The following KANK1 variants were observed in gnomAD, a reference collection of about 807,000 sequenced individuals.
KANK1 encodes KN motif and ankyrin repeat domain-containing protein 1.
In KANK1, 109 loss-of-function variants were observed where a neutral mutation model predicts 106.2. That is an observed-to-expected ratio of 1.03 (90% CI 0.88 to 1.20). The LOEUF is 1.20. Among genes scored for constraint, KANK1 ranks in the 50% most tolerant of loss-of-function variants. The pLI is 0.00. For missense variants in KANK1, 2,399 were observed against 1,710.7 expected (o/e 1.40, Z -7.10); for synonymous variants, 873 against 652.2 (o/e 1.34, Z -5.16).
At chr9:580,028 C>T (rs574807424) in intron 1 of KANK1, among the ~76,000 whole-genome samples, 15 of 152,270 alleles carry the variant, frequency 9.9e-5, no homozygotes, top group Admixed American at 5.2e-4. Context: ...CAGACCCTTG[C>T]GGTGAGTGTT....
At chr9:736,813 C>T (rs562167640) in intron 7 of KANK1, among the ~76,000 whole-genome samples, 2 of 152,292 alleles carry the variant, frequency 1.3e-5, no homozygotes, top group South Asian at 2.1e-4. Flanking sequence ...ACCATAAAAT[C>T]TCACTGCAGG....
Position 686,840 on chromosome 9 carries a change from A to G in KANK1, c.37+9831A>G, listed in dbSNP as rs191879724. 6.1e-6 allele frequency: 6 copies of G among 985,340 alleles called. No homozygotes were observed. The Admixed American group carries it at 3.1e-4, about 50-fold the overall frequency. 61.0% of individuals were successfully genotyped at this position (985,340 alleles called of 1,614,324 possible). On this transcript the variant is annotated intron_variant, in intron 2 of 11. Coordinates refer to ENST00000382297, the MANE Select transcript of KANK1 (RefSeq NM_015158.5). ...CATGCTAGGATGTTACTTGGGTGCT[A>G]GAAAACAGCAGCTGGAATTCACAAC...
chr9:706,534 C>CTT lies in KANK1; in HGVS notation c.38-4264_38-4263dup, dbSNP rs148491776. Among the ~76,000 whole-genome samples, 575 of 147,476 alleles carry CTT rather than the reference C, an allele frequency of 3.9e-3. 5 individuals are homozygous for CTT. Among genetic ancestry groups the CTT allele is most frequent in the African/African-American group, 0.014 (557 of 39,868 alleles). The stretch of plus-strand genomic sequence containing the variant: ...CACTTGATGGTAGGATCTGAGTGCC[C>CTT]TTTTTTTACGTTCTTTAAATTATCT... On this transcript the variant is annotated intron_variant, in intron 2 of 11. Coordinates refer to ENST00000382297, the MANE Select transcript of KANK1 (RefSeq NM_015158.5).
intron 1 of KANK1, among the ~76,000 whole-genome samples, chr9:552,760 T>G (rs1408390653): frequency 6.6e-6 from 1 of 152,236 alleles, no homozygotes; most frequent in East Asian, 1.9e-4. Context: ...ATGTTTTCTC[T>G]TGATCAGGGT....
rs565136706 is a variant in KANK1 at position 600,511 on chromosome 9, A to T, written c.-83-76379A>T. On this transcript the variant is annotated intron_variant, in intron 1 of 11. Transcript: ENST00000382297. ...GTAACATACGTAATAATCTAAATAG[A>T]ATATAAATAAATAAAATGAAGTCCT... 3.1e-4 allele frequency among the ~76,000 whole-genome samples: 47 copies of T among 152,042 alleles called. 1 individual carries two copies. Among genetic ancestry groups the T allele is most frequent in the African/African-American group, 1.1e-3 (46 of 41,292 alleles).
chr9:599,686 T>C (rs1214567006), intron 1 of KANK1, among the ~76,000 whole-genome samples: 3 of 151,854 alleles, frequency 2.0e-5, no homozygotes, highest in Non-Finnish European at 4.4e-5. Context: ...TTTATGCAGA[T>C]ATTTTCAACC....
At chr9:476,273 C>T (rs1160780110) in intron 3 of KANK1, among the ~76,000 whole-genome samples, 4 of 152,100 alleles carry the variant, frequency 2.6e-5, no homozygotes, top group Non-Finnish European at 5.9e-5. Flanking sequence ...GTAATCCCAG[C>T]ACTTTGGGAG....
In KANK1 at chr9:522,793, CCTGACCACCAGCCT is replaced by C. The variant is rs1347334254; in HGVS notation, c.-84+18046_-84+18059del. 2.0e-5 allele frequency among the ~76,000 whole-genome samples: 3 copies of C among 151,802 alleles called. No individual in the cohort carries two copies. In the East Asian group the frequency reaches 5.8e-4, roughly 29 times the overall value. Reference sequence around the variant, plus strand: ...AGCAATGTGTGCCTGCCTGTGCTCTCCTGACCACCAGCCTCTGACCTACCCTGGTTTTCACTTCA... The same window carrying C: ...AGCAATGTGTGCCTGCCTGTGCTCTCCTGACCTACCCTGGTTTTCACTTCA... On this transcript the variant is annotated intron_variant, in intron 1 of 11. Transcript: ENST00000382297.
At chr9:667,435 C>G (rs1055343205) in intron 1 of KANK1, among the ~76,000 whole-genome samples, 1 of 151,280 alleles carries the variant, frequency 6.6e-6, no homozygotes, top group Non-Finnish European at 1.5e-5. Context: ...TTATTATTTC[C>G]TTTCTCCTAG....
chr9:599,177 C>G (rs565790232), intron 1 of KANK1, among the ~76,000 whole-genome samples: 8 of 151,188 alleles, frequency 5.3e-5, no homozygotes, highest in African/African-American at 1.5e-4. Context: ...CACCACCATG[C>G]TTGACTAATT....
intron 3 of KANK1, among the ~76,000 whole-genome samples, chr9:483,272 T>G (rs2058238015): frequency 6.6e-6 from 1 of 151,762 alleles, no homozygotes; most frequent in South Asian, 2.1e-4. Context: ...TAGAGGGGAG[T>G]ATGGTAATGC....
chr9:590,329 A>C (rs1824537960), intron 1 of KANK1, among the ~76,000 whole-genome samples: 1 of 149,746 alleles, frequency 6.7e-6, no homozygotes, highest in Non-Finnish European at 1.5e-5. Flanking sequence ...TGAAATGAGG[A>C]GTTGGACTAG....
intron 1 of KANK1, among the ~76,000 whole-genome samples, chr9:532,656 G>C (rs901143765): frequency 6.6e-6 from 1 of 152,096 alleles, no homozygotes. Context: ...TCTTCACCAA[G>C]CTACTTGGCG....
intron 1 of KANK1, among the ~76,000 whole-genome samples, chr9:579,090 G>A (rs1179405274): frequency 6.6e-6 from 1 of 152,190 alleles, no homozygotes; most frequent in Admixed American, 6.5e-5. Context: ...ATCGGGTTCA[G>A]TGAGGCACAG....
intron 9 of KANK1, among the ~76,000 whole-genome samples, 172 bp downstream of exon 9, chr9:741,106 CCAGGGAAATATGGGCTTAA>C (rs1835366878): frequency 6.6e-6 from 1 of 152,210 alleles, no homozygotes; most frequent in Non-Finnish European, 1.5e-5. Flanking sequence ...ACCAAACATA[CCAGGGAAATATGGGCTTAA>C]ATTTCACACT....
intron 1 of KANK1, among the ~76,000 whole-genome samples, chr9:666,274 G>T (rs1844550773): frequency 1.3e-5 from 2 of 151,744 alleles, no homozygotes; most frequent in Admixed American, 6.6e-5. Context: ...GTTCACTATT[G>T]GTATATATAA....
chr9:615,405 C>T (rs1831566499), intron 1 of KANK1, among the ~76,000 whole-genome samples: 2 of 152,020 alleles, frequency 1.3e-5, no homozygotes. Flanking sequence ...TTTCTTTCTA[C>T]AGAAGTATCA....
rs143634674 is a variant in KANK1, at chr9:616,682, A to G, written c.-83-60208A>G. On this transcript the variant is annotated intron_variant, in intron 1 of 11. Coordinates refer to ENST00000382297, the MANE Select transcript of KANK1 (RefSeq NM_015158.5). ...AGACCCCAAATCTCAGTGGCTTTCA[A>G]CAACACACACTGATTTTTTTACTCA... 1.5e-3 allele frequency among the ~76,000 whole-genome samples: 229 copies of G among 152,208 alleles called. 1 individual carries two copies. Among genetic ancestry groups the G allele is most frequent in the African/African-American group, 5.2e-3 (216 of 41,448 alleles).
intron 2 of KANK1, among the ~76,000 whole-genome samples, chr9:682,494 C>G (rs1817768465): frequency 6.6e-6 from 1 of 152,126 alleles, no homozygotes; most frequent in South Asian, 2.1e-4. Flanking sequence ...TTTTCCAAGT[C>G]TTCATGGAAA....
Sources: gnomAD v4.1 joint callset for allele counts (sites outside exome capture counted in the v4.1 genomes callset) on GRCh38, gnomAD v4.1.1 for gene constraint, MANE v1.5 for transcripts, NCBI Gene and HGNC (gene_info 2026-07-23, HGNC 2026-07-21) for gene names.